ADAMTS8: variants seen among roughly 807,000 people sequenced by gnomAD.
ADAMTS8 encodes ADAM metallopeptidase with thrombospondin type 1 motif 8.
ADAMTS8 carries 50 observed loss-of-function variants against 64.4 expected under a neutral mutation model. The ratio of observed to expected loss-of-function variants is 0.78; its 90% CI spans 0.62 to 0.98. The LOEUF (loss-of-function observed/expected upper bound fraction) is 0.98. Among genes scored for constraint, ADAMTS8 ranks in the 50% least tolerant of loss-of-function variants. The pLI is 0.00. For synonymous variants in ADAMTS8, 556 were observed against 533.6 expected, an observed-to-expected ratio of 1.04 and a Z score of -0.58; for missense variants, 1,192 against 1,208.2, an observed-to-expected ratio of 0.99 and a Z score of 0.20.
chr11:130,417,837 C>T (rs1406627911), intron 2 of ADAMTS8, among the ~76,000 whole-genome samples: 8 of 152,104 alleles, frequency 5.3e-5, no homozygotes, highest in African/African-American at 9.6e-5. Flanking sequence ...CCAGTTCACC[C>T]GTCCCCCATC....
Position 130,428,473 on chromosome 11 carries a change from A to T in ADAMTS8, c.-187T>A. The T allele has an allele frequency of 1.0e-6, 1 of 1,003,856 alleles. No homozygotes were observed. The highest frequency in any genetic ancestry group is 1.2e-6 in the Non-Finnish European group (1 of 843,326). 62.2% of individuals were successfully genotyped at this position (1,003,856 alleles called of 1,614,324 possible). On this transcript the variant is annotated 5_prime_UTR_variant, in exon 1 of 9. Coordinates refer to ENST00000257359, the MANE Select transcript of ADAMTS8 (RefSeq NM_007037.6). ...CCCCGGCGGCCCCTCTGGCTGGCGC[A>T]GCCCGCTCCTCCCGCGCCGCCGCCC...
Position 130,428,181 on chromosome 11 carries a change from G to T in ADAMTS8, c.106C>A (p.Gln36Lys). 7.6e-7 allele frequency: 1 copy of T among 1,321,952 alleles called. No individual in the cohort carries two copies. The highest frequency in any genetic ancestry group is 9.6e-7 in the Non-Finnish European group (1 of 1,045,038). The allele number at this position is 1,321,952 out of a possible 1,614,324, so 81.9% of individuals were successfully genotyped here. A position where few individuals can be genotyped will look rare whatever the true frequency, so the allele number is the denominator to read the frequency against. Residue 36 changes from glutamine (Q) to lysine (K), a missense_variant, in exon 1 of 9, where the codon CAG (glutamine) becomes AAG (lysine). By Grantham distance (53) the Gln-to-Lys change is moderately conservative (BLOSUM62 1). Around this residue, in one of 5 missense-constraint regions of ADAMTS8, gnomAD observed 741 missense variants for 710.6 expected, o/e 1.04. Transcript: ENST00000257359. ...GTGGGCACCACCAGCTCCGAGGCCT[G>T]CCCCCCGGCTGCGGGCCGGGCCGGG... ...GAPARPAAGG[Q>K]ASELVVPTRL...
At chr11:130,424,034 G>A (rs549619778) in intron 1 of ADAMTS8, among the ~76,000 whole-genome samples, 4 of 152,342 alleles carry the variant, frequency 2.6e-5, no homozygotes, top group East Asian at 1.9e-4. Context: ...GCAGTGGTGC[G>A]TTCTTTCTCT....
At chr11:130,419,428 G>T in intron 1 of ADAMTS8, 136 bp from the exon 2 acceptor site, 1 of 1,249,782 alleles carries the variant, frequency 8.0e-7, no homozygotes, top group East Asian at 2.4e-5. Context: ...ATACCCCCGA[G>T]GTCTCCGTGT....
chr11:130,406,895 G>C (rs993904422), intron 8 of ADAMTS8, among the ~76,000 whole-genome samples: 9 of 152,122 alleles, frequency 5.9e-5, no homozygotes, highest in African/African-American at 1.9e-4. Context: ...TGAGGCGAGT[G>C]GTCAGGCGGG....
At position 130,418,791 on chromosome 11, in the gene ADAMTS8, TTTC is replaced by T. The variant is rs557524486; in HGVS notation, c.960+259_960+261del. Reference sequence around the variant, plus strand: ...TCTCTCACTGGGCAGCTTGAGCCCATTTCTTCTTGTTATGTGTGACCTCAGGAG... The same window carrying T: ...TCTCTCACTGGGCAGCTTGAGCCCATTTCTTGTTATGTGTGACCTCAGGAG... On this transcript the variant is annotated intron_variant, in intron 2 of 8. Transcript: ENST00000257359. Among the ~76,000 whole-genome samples the T allele has an allele frequency of 3.5e-3, 531 of 152,346 alleles. 5 individuals carry two copies. The highest frequency in any genetic ancestry group is 0.012 in the African/African-American group (504 of 41,582).
Position 130,427,749 on chromosome 11 carries a change from C to T in ADAMTS8, c.538G>A (p.Gly180Arg). 1 of 1,596,148 alleles carries T rather than the reference C, an allele frequency of 6.3e-7. No individual in the cohort carries two copies. Among genetic ancestry groups the T allele is most frequent in the South Asian group, 1.1e-5 (1 of 88,028 alleles). ...TCCTCGCTGTCCTCCTGGTGGTCTC[C>T]TCTCTCCTGCCTCTGACCCTCTCCC... ...ETGEGQRQERGDHQEDSEEES... is the reference protein window; with the variant it reads ...ETGEGQRQERRDHQEDSEEES... The change falls in exon 1 of 9, where the codon GGA becomes AGA. Residue 180 changes from glycine to arginine, a missense_variant. By Grantham distance (125) the Gly-to-Arg change is moderately radical. Transcript: ENST00000257359.
chr11:130,419,457 T>C (rs1011849268), intron 1 of ADAMTS8, among the ~76,000 whole-genome samples, 165 bp from the exon 2 acceptor site: 1 of 152,184 alleles, frequency 6.6e-6, no homozygotes, highest in Non-Finnish European at 1.5e-5. Context: ...TCATTTTGCA[T>C]GTGAGAAAAC....
At chr11:130,417,234 T>TTTAAATTAAA (rs10522527) in intron 2 of ADAMTS8, among the ~76,000 whole-genome samples, 159 bp from the exon 3 acceptor site, 15 of 150,110 alleles carry the variant, frequency 1.0e-4, no homozygotes, top group Admixed American at 4.0e-4. Flanking sequence ...TTATTGAGCT[T>TTTAAATTAAA]TTAAATTAAA....
At position 130,414,821 on chromosome 11, in the gene ADAMTS8, G is replaced by A. The variant is rs1862000944; in HGVS notation, c.1276C>T (p.Leu426=). Residue 426 remains leucine, a synonymous_variant, in exon 5 of 9, where the codon CTG becomes TTG. Transcript: ENST00000257359. ...LLDGGHGDCL[L]DAPAAALPLP... ...GGCAGGGCCGCAGCAGGGGCATCCA[G>A]GAGACAGTCTCCTGGGAAAAGAGGA... 1 of 1,607,198 alleles carries A rather than the reference G, an allele frequency of 6.2e-7. No homozygotes were observed. Among genetic ancestry groups the A allele is most frequent in the African/African-American group, 1.3e-5 (1 of 74,794 alleles).
At chr11:130,420,108 G>A (rs74971256) in intron 1 of ADAMTS8, among the ~76,000 whole-genome samples, 6,734 of 152,244 alleles carry the variant, frequency 0.044, 188 homozygotes, top group South Asian at 0.093. Flanking sequence ...GAGGTCCACC[G>A]TGCTCTCATT....
chr11:130,418,259 A>T (rs1447972631), intron 2 of ADAMTS8, among the ~76,000 whole-genome samples: 2 of 141,728 alleles, frequency 1.4e-5, no homozygotes, highest in African/African-American at 6.3e-5. Context: ...GAGTGATAAG[A>T]TCGGGAAATC....
At chr11:130,426,417 G>C (rs775059364) in intron 1 of ADAMTS8, among the ~76,000 whole-genome samples, 1 of 152,204 alleles carries the variant, frequency 6.6e-6, no homozygotes, top group Admixed American at 6.5e-5. Flanking sequence ...ATTGGGTCCC[G>C]GCCAAGGATG....
At chr11:130,417,143 G>A in intron 2 of ADAMTS8, 68 bp from the exon 3 acceptor site, 2 of 1,594,086 alleles carry the variant, frequency 1.3e-6, no homozygotes, top group Non-Finnish European at 1.7e-6. Context: ...GGCCTGCAGG[G>A]CCGGGTGTGG....
rs1450051712 is a variant in ADAMTS8 at position 130,428,219 on chromosome 11, AGCG to A, written c.65_67del (p.Pro22del). On this transcript the variant is annotated inframe_deletion, in exon 1 of 9. Transcript: ENST00000257359. ...GGGCCGGGCCGGGGCGCCGCGGGCC[AGCG>A]GCAGCAGCAGCAGCAGCAGCAGCAG... The A allele has an allele frequency of 3.4e-6, 4 of 1,189,792 alleles. No homozygotes were observed. Among genetic ancestry groups the A allele is most frequent in the Non-Finnish European group, 4.1e-6 (4 of 970,622 alleles). 73.7% of individuals were successfully genotyped at this position (1,189,792 alleles called of 1,614,324 possible). A position where few individuals can be genotyped will look rare whatever the true frequency, so the allele number is the denominator to read the frequency against.
At chr11:130,419,831 C>T (rs1862077360) in intron 1 of ADAMTS8, among the ~76,000 whole-genome samples, 2 of 152,154 alleles carry the variant, frequency 1.3e-5, no homozygotes, top group Admixed American at 1.3e-4. Flanking sequence ...GTAGAATTCC[C>T]TCTTAGAATC....
intron 8 of ADAMTS8, 117 bp from the exon 9 acceptor site, chr11:130,406,245 G>A: frequency 3.1e-6 from 4 of 1,290,314 alleles, no homozygotes; most frequent in Non-Finnish European, 4.2e-6. Flanking sequence ...AACAAAGCAA[G>A]TAATTAAGCA....
Position 130,427,992 on chromosome 11 carries a change from C to A in ADAMTS8, c.295G>T (p.Gly99Cys). The part of the protein sequence containing the change: ...RATGGERGLR[G>C]CFFSGTVNGE... ...TTCACGGTGCCGGAGAAGAAGCAGC[C>A]GCGCAGCCCCCGCTCGCCCCCGGTC... Residue 99 changes from glycine to cysteine, a missense_variant, in exon 1 of 9, where the codon GGC becomes TGC. By Grantham distance (159) the Gly-to-Cys change is radical. Transcript: ENST00000257359. 6.5e-7 allele frequency: 1 copy of A among 1,528,436 alleles called. No homozygotes were observed. The highest frequency in any genetic ancestry group is 8.7e-7 in the Non-Finnish European group (1 of 1,144,136). 94.7% of individuals were successfully genotyped at this position (1,528,436 alleles called of 1,614,324 possible).
rs1418855716 is a variant in ADAMTS8 at position 130,408,753 on chromosome 11, C to CA, written c.1923+14dup. 1 of 1,613,832 alleles carries CA rather than the reference C, an allele frequency of 6.2e-7. No individual in the cohort carries two copies. Among genetic ancestry groups the CA allele is most frequent in the African/African-American group, 1.3e-5 (1 of 74,928 alleles). The stretch of plus-strand genomic sequence containing the variant: ...CCTCCCCATCTCTGGATCTGAGTCC[C>CA]AGGGTGATTCTCACCTTGGCCTCGA... On this transcript the variant is annotated intron_variant, in intron 7 of 8. Transcript: ENST00000257359.
Sources: allele counts gnomAD v4.1 joint callset (sites outside exome capture counted in the v4.1 genomes callset), GRCh38; gene constraint gnomAD v4.1.1; regional missense constraint gnomAD v4.1.1; transcripts MANE v1.5; gene names NCBI Gene and HGNC (gene_info 2026-07-23, HGNC 2026-07-21).